Variants in KCTD16 observed in about 807,000 individuals in gnomAD.
KCTD16 encodes the protein potassium channel tetramerization domain containing 16.
A neutral mutation model predicts 33.2 loss-of-function variants in KCTD16; 13 were observed. The ratio of observed to expected loss-of-function variants is 0.39; its 90% CI spans 0.25 to 0.62. The LOEUF (loss-of-function observed/expected upper bound fraction) is 0.62. KCTD16 is among the 20% of genes least tolerant of loss of function. KCTD16 has a pLI of 0.50. For missense variants in KCTD16, 441 were observed against 525.1 expected, an observed-to-expected ratio of 0.84 and a Z score of 1.57; for synonymous variants, 197 against 195.3, an observed-to-expected ratio of 1.01 and a Z score of -0.07.
intron 3 of KCTD16, among the ~76,000 whole-genome samples, chr5:144,435,801 T>TTG (rs56793696): frequency 3.3e-5 from 5 of 151,230 alleles, no homozygotes; most frequent in Non-Finnish European, 7.4e-5. Context: ...TTTGTGTGCT[T>TTG]TGTGTGTGTG....
intron 2 of KCTD16, among the ~76,000 whole-genome samples, chr5:144,189,559 A>C (rs1268211071): frequency 6.6e-6 from 1 of 152,102 alleles, no homozygotes; most frequent in Non-Finnish European, 1.5e-5. Flanking sequence ...TTTTGCATAC[A>C]ATTTCAGGGA....
chr5:144,177,897 C>T (rs1008483566), intron 2 of KCTD16, among the ~76,000 whole-genome samples: 5 of 152,080 alleles, frequency 3.3e-5, no homozygotes, highest in Non-Finnish European at 4.4e-5. Context: ...CACACATGCT[C>T]GAAAGAACAA....
intron 2 of KCTD16, among the ~76,000 whole-genome samples, chr5:144,181,314 T>C (rs1373115705): frequency 6.6e-6 from 1 of 152,208 alleles, no homozygotes; most frequent in East Asian, 1.9e-4. Context: ...TGGGATGTAA[T>C]TGAAAAACAA....
intron 3 of KCTD16, among the ~76,000 whole-genome samples, chr5:144,265,711 T>A (rs1394984918): frequency 6.6e-6 from 1 of 152,220 alleles, no homozygotes; most frequent in Non-Finnish European, 1.5e-5. Context: ...AACATAAATA[T>A]ATGTCATGTG....
intron 2 of KCTD16, among the ~76,000 whole-genome samples, chr5:144,193,547 T>C (rs1457544922): frequency 2.0e-5 from 3 of 151,936 alleles, no homozygotes; most frequent in Non-Finnish European, 1.5e-5. Context: ...ACCTATTCTA[T>C]TTTATTCATA....
intron 3 of KCTD16, among the ~76,000 whole-genome samples, chr5:144,325,869 C>T (rs1170462794): frequency 1.3e-5 from 2 of 152,082 alleles, no homozygotes; most frequent in East Asian, 1.9e-4. Flanking sequence ...TAGAACAGTG[C>T]TTGGTACAGA....
intron 3 of KCTD16, among the ~76,000 whole-genome samples, chr5:144,393,546 G>C (rs934412448): frequency 1.3e-5 from 2 of 152,064 alleles, no homozygotes; most frequent in African/African-American, 4.8e-5. Context: ...GTAATACAGT[G>C]TGTATATATA....
At chr5:144,360,003 G>A (rs192533965) in intron 3 of KCTD16, among the ~76,000 whole-genome samples, 5 of 152,196 alleles carry the variant, frequency 3.3e-5, no homozygotes, top group Admixed American at 1.3e-4. Flanking sequence ...GTCTTCCCCA[G>A]TGATTTTTGG....
intron 2 of KCTD16, among the ~76,000 whole-genome samples, chr5:144,184,881 T>G (rs566980270): frequency 6.8e-4 from 101 of 148,534 alleles, no homozygotes; most frequent in African/African-American, 2.4e-3. Flanking sequence ...AGTTACTTCC[T>G]CTGTCTACAG....
chr5:144,209,118 A>C lies in KCTD16; in HGVS notation c.832+1572A>C, dbSNP rs548966437. Among the ~76,000 whole-genome samples the C allele has an allele frequency of 2.0e-5, 3 of 152,346 alleles. No homozygotes were observed. In the East Asian group the frequency reaches 5.8e-4, roughly 29 times the overall value. ...CCAATGCAGCTTTGTAATATTTACC[A>C]TGTTCTCCGATTTTGAATATTTGAA... On this transcript the variant is annotated intron_variant, in intron 3 of 3. Coordinates refer to ENST00000512467, the MANE Select transcript of KCTD16 (RefSeq NM_020768.4).
chr5:144,480,754 A>G lies in KCTD16; in HGVS notation c.*6640A>G, dbSNP rs1045226075. On this transcript the variant is annotated 3_prime_UTR_variant, in exon 4 of 4. Transcript: ENST00000512467. ...GATGCTGCTAAAGATCCTACAGTGT[A>G]CTGGAAAGCCCTCCATAACAAAAAG... 3 of 151,936 alleles carry G rather than the reference A, an allele frequency of 2.0e-5. No individual in the cohort carries two copies. Among genetic ancestry groups the G allele is most frequent in the Non-Finnish European group, 4.4e-5 (3 of 67,914 alleles). 9.4% of individuals were successfully genotyped at this position (151,936 alleles called of 1,614,324 possible).
chr5:144,334,502 A>G (rs935021551), intron 3 of KCTD16, among the ~76,000 whole-genome samples: 1 of 152,214 alleles, frequency 6.6e-6, no homozygotes, highest in Admixed American at 6.5e-5. Context: ...TAGTATTCTT[A>G]TGACAAAAAG....
intron 3 of KCTD16, among the ~76,000 whole-genome samples, chr5:144,327,537 T>C (rs1752242513): frequency 6.6e-6 from 1 of 152,176 alleles, no homozygotes; most frequent in Non-Finnish European, 1.5e-5. Flanking sequence ...TTTTATTTGA[T>C]GTTTTTATAT....
rs141824941 is a variant in KCTD16, at chr5:144,279,165, G to A, written c.832+71619G>A. Reference sequence around the variant, plus strand: ...TTGAATCCATGACCATGTTGAATTCGAAGAGCTTTTCTTGTAGTTTAAGAG... The same window carrying A: ...TTGAATCCATGACCATGTTGAATTCAAAGAGCTTTTCTTGTAGTTTAAGAG... On this transcript the variant is annotated intron_variant, in intron 3 of 3. Transcript: ENST00000512467. 7.4e-4 allele frequency among the ~76,000 whole-genome samples: 113 copies of A among 152,280 alleles called. 2 individuals carry two copies. The East Asian group carries it at 0.017, about 22-fold the overall frequency.
In KCTD16 at chr5:144,299,072, A is replaced by ATTT. The variant is rs1554085837; in HGVS notation, c.832+91529_832+91531dup. 1.0e-4 allele frequency among the ~76,000 whole-genome samples: 6 copies of ATTT among 57,434 alleles called. 1 individual carries two copies. The highest frequency in any genetic ancestry group is 4.5e-4 in the South Asian group (1 of 2,200). The allele number at this position is 57,434 out of a possible 152,430, so 37.7% of individuals were successfully genotyped here. A position where few individuals can be genotyped will look rare whatever the true frequency, so the allele number is the denominator to read the frequency against. ...TATATATATATATATATATATATAT[A>ATTT]TTTTTGTATATATATATCACTATGT... On this transcript the variant is annotated intron_variant, in intron 3 of 3. Transcript: ENST00000512467.
intron 3 of KCTD16, among the ~76,000 whole-genome samples, chr5:144,279,923 G>A (rs1755553063): frequency 6.6e-6 from 1 of 152,150 alleles, no homozygotes; most frequent in African/African-American, 2.4e-5. Flanking sequence ...CTATTGATAT[G>A]ATTTATATGA....
chr5:144,449,926 C>T (rs1398525826), intron 3 of KCTD16, among the ~76,000 whole-genome samples: 2 of 151,710 alleles, frequency 1.3e-5, no homozygotes, highest in Non-Finnish European at 2.9e-5. Context: ...GCACAGGCAA[C>T]AAAAGCAAAA....
chr5:144,255,099 G>T (rs781253739), intron 3 of KCTD16, among the ~76,000 whole-genome samples: 5 of 152,042 alleles, frequency 3.3e-5, no homozygotes, highest in Non-Finnish European at 7.4e-5. Context: ...TATTTCATGT[G>T]GCATAATGTC....
intron 3 of KCTD16, among the ~76,000 whole-genome samples, chr5:144,256,533 T>C (rs1754852920): frequency 6.6e-6 from 1 of 152,166 alleles, no homozygotes; most frequent in African/African-American, 2.4e-5. Context: ...TAAGGTTCAT[T>C]ACTTCTTGTG....
Sources: gnomAD v4.1 joint callset for allele counts (sites outside exome capture counted in the v4.1 genomes callset) on GRCh38, gnomAD v4.1.1 for gene constraint, MANE v1.5 for transcripts, NCBI Gene and HGNC (gene_info 2026-07-23, HGNC 2026-07-21) for gene names.